Variants in PHF21B observed in about 807,000 individuals in gnomAD.
PHF21B encodes PHD finger protein 21B, also known as PHD finger protein 4.
A neutral mutation model predicts 62.2 loss-of-function variants in PHF21B; 22 were observed. That is an observed-to-expected ratio of 0.35 (90% confidence interval 0.25 to 0.51). The LOEUF (loss-of-function observed/expected upper bound fraction) is 0.51, where lower values mean the gene tolerates loss of function less well. PHF21B is among the 20% of genes least tolerant of loss of function. The pLI is 0.97. For missense variants in PHF21B, 701 were observed against 707.9 expected (o/e 0.99, Z 0.11); for synonymous variants, 341 against 314.7 (o/e 1.08, Z -0.88).
At chr22:44,925,812 T>G (rs2071618151) in intron 2 of PHF21B, among the ~76,000 whole-genome samples, 1 of 152,110 alleles carries the variant, frequency 6.6e-6, no homozygotes, top group South Asian at 2.1e-4. Flanking sequence ...CCACGACCAG[T>G]GTTCCCCCAA....
intron 2 of PHF21B, among the ~76,000 whole-genome samples, chr22:44,960,956 A>ATTT (rs58426065): frequency 0.37 from 44,295 of 120,644 alleles, 9,235 homozygotes; most frequent in East Asian, 0.75. Context: ...ACGTGAGTTG[A>ATTT]TTTTTTTTTT....
intron 2 of PHF21B, among the ~76,000 whole-genome samples, chr22:45,007,822 C>CATCT (rs1336739903): frequency 2.0e-5 from 3 of 151,328 alleles, no homozygotes; most frequent in Admixed American, 2.0e-4. Flanking sequence ...CTGGCGGCGG[C>CATCT]ATCTGTTCGT....
chr22:45,008,813 G>A (rs1272914376), intron 1 of PHF21B: 5 of 1,182,096 alleles, frequency 4.2e-6, no homozygotes, highest in Non-Finnish European at 5.2e-6. Flanking sequence ...CCGCCTCATC[G>A]GGGCAGCTCG....
intron 2 of PHF21B, among the ~76,000 whole-genome samples, chr22:44,987,699 CTCT>C (rs2072975556): frequency 6.6e-6 from 1 of 151,968 alleles, no homozygotes. Flanking sequence ...GACAAGGAAC[CTCT>C]TGAGGGCAGG....
intron 9 of PHF21B, among the ~76,000 whole-genome samples, chr22:44,888,545 C>T (rs1025225774): frequency 1.4e-4 from 21 of 152,160 alleles, no homozygotes; most frequent in Admixed American, 1.1e-3. Flanking sequence ...GAATGCAGCA[C>T]TCCCTCCCCG....
chr22:44,916,693 C>T (rs2071441911), intron 3 of PHF21B, 63 bp from the exon 4 acceptor site: 12 of 1,449,726 alleles, frequency 8.3e-6, no homozygotes, highest in South Asian at 2.3e-5. Context: ...GGGGAGGGGC[C>T]GCCCTGGCTC....
At chr22:44,900,129 G>T (rs1413006407) in intron 5 of PHF21B, among the ~76,000 whole-genome samples, 1 of 151,994 alleles carries the variant, frequency 6.6e-6, no homozygotes, top group Non-Finnish European at 1.5e-5. Context: ...TTACTTACAT[G>T]AATCTTTTAT....
chr22:44,916,068 C>T (rs954674552), intron 4 of PHF21B, among the ~76,000 whole-genome samples: 5 of 152,238 alleles, frequency 3.3e-5, no homozygotes, highest in Non-Finnish European at 7.3e-5. Flanking sequence ...TTTGTTCATG[C>T]ACTAATTCAC....
chr22:44,903,727 G>A (rs79933832), intron 5 of PHF21B, among the ~76,000 whole-genome samples: 5,282 of 152,250 alleles, frequency 0.035, 283 homozygotes, highest in African/African-American at 0.12. Context: ...CCCAAACGAT[G>A]TTGCTATGGT....
chr22:44,907,046 G>C (rs546133658), intron 5 of PHF21B, among the ~76,000 whole-genome samples: 1 of 152,190 alleles, frequency 6.6e-6, no homozygotes, highest in South Asian at 2.1e-4. Flanking sequence ...TACATGTCAC[G>C]CGTTTTAGAG....
chr22:44,883,014 C>G lies in PHF21B; in HGVS notation c.*72G>C, dbSNP rs557684878. ...ATTCATAGTGTTTATGAATTAAGGC[C>G]GACAGAACCCCCAGGCTGTGTAAGC... is the stretch of plus-strand genomic sequence containing the variant. On this transcript the variant is annotated 3_prime_UTR_variant, in exon 13 of 13. Coordinates refer to ENST00000313237, the MANE Select transcript of PHF21B (RefSeq NM_138415.5). The G allele has an allele frequency of 2.0e-6, 3 of 1,465,430 alleles. No individual in the cohort carries two copies. The highest frequency in any genetic ancestry group is 2.3e-5 in the East Asian group (1 of 43,716). The allele number at this position is 1,465,430 out of a possible 1,614,324, so 90.8% of individuals were successfully genotyped here.
At chr22:44,883,395 C>G in intron 12 of PHF21B, 91 bp from the exon 13 acceptor site, 1 of 1,185,122 alleles carries the variant, frequency 8.4e-7, no homozygotes, top group African/African-American at 1.5e-5. Context: ...CTCCCCTCCA[C>G]TACAAAGGCC....
At chr22:44,988,240 G>A (rs925058928) in intron 2 of PHF21B, among the ~76,000 whole-genome samples, 2 of 152,240 alleles carry the variant, frequency 1.3e-5, no homozygotes, top group African/African-American at 4.8e-5. Context: ...TGAGGCAGGA[G>A]GATGGCTTGA....
chr22:44,938,254 G>A (rs749233220), intron 2 of PHF21B, among the ~76,000 whole-genome samples: 4 of 150,846 alleles, frequency 2.7e-5, no homozygotes, highest in Non-Finnish European at 5.9e-5. Flanking sequence ...GTTTTTTTGA[G>A]ACAGAGTCTC....
At chr22:44,900,987 C>T (rs2071149259) in intron 5 of PHF21B, among the ~76,000 whole-genome samples, 1 of 152,210 alleles carries the variant, frequency 6.6e-6, no homozygotes, top group Non-Finnish European at 1.5e-5. Context: ...AATTATATTT[C>T]AAAAAGTGAA....
intron 2 of PHF21B, among the ~76,000 whole-genome samples, chr22:44,962,176 G>A (rs1230599591): frequency 6.6e-6 from 1 of 152,102 alleles, no homozygotes; most frequent in Non-Finnish European, 1.5e-5. Flanking sequence ...TAAGTTCTTT[G>A]AGAAATCTCC....
chr22:44,923,244 G>T (rs1281189810), intron 2 of PHF21B, among the ~76,000 whole-genome samples: 2 of 148,300 alleles, frequency 1.3e-5, no homozygotes, highest in South Asian at 2.1e-4. Context: ...GTACAAAAAA[G>T]ATAATGTTTT....
intron 7 of PHF21B, among the ~76,000 whole-genome samples, chr22:44,892,132 G>A (rs61309695): frequency 1.3e-5 from 2 of 152,094 alleles, no homozygotes; most frequent in African/African-American, 2.4e-5. Flanking sequence ...TTTCATGAAC[G>A]AACAAATCTA....
chr22:44,891,568 A>C (rs1487970226), intron 7 of PHF21B, among the ~76,000 whole-genome samples: 2 of 151,876 alleles, frequency 1.3e-5, no homozygotes, highest in African/African-American at 4.8e-5. Flanking sequence ...GGGGCGGGGC[A>C]GGGAAGTCGG....
Sources: gnomAD v4.1 joint callset for allele counts (sites outside exome capture counted in the v4.1 genomes callset) on GRCh38, gnomAD v4.1.1 for gene constraint, MANE v1.5 for transcripts, NCBI Gene and HGNC (gene_info 2026-07-23, HGNC 2026-07-21) for gene names.